Variants in PTBP2 observed in about 807,000 individuals in gnomAD.
PTBP2 encodes polypyrimidine tract-binding protein 2.
Under a neutral mutation model 61.4 loss-of-function variants are expected in PTBP2, and 13 were observed. That is an observed-to-expected ratio of 0.21 (90% confidence interval 0.14 to 0.34). The LOEUF is 0.34. Among genes scored for constraint, PTBP2 ranks in the 10% least tolerant of loss-of-function variants. The pLI is 1.00. For missense variants in PTBP2, 405 were observed against 642.6 expected, an observed-to-expected ratio of 0.63 and a Z score of 4.00; for synonymous variants, 215 against 218.5, an observed-to-expected ratio of 0.98 and a Z score of 0.14.
Position 96,770,772 on chromosome 1 carries a change from C to T in PTBP2, c.353C>T (p.Thr118Ile). Residue 118 changes from threonine (T) to isoleucine (I), a missense_variant, in exon 5 of 14, where the codon ACA (threonine) becomes ATA (isoleucine). Thr to Ile is a moderately conservative substitution (Grantham distance 89). Transcript: ENST00000674951. ...ATGGTTAATTACTATTCTGCTGTGA[C>T]ACCTCATCTTCGTAACCAACCAATA... ...ITMVNYYSAV[T>I]PHLRNQPIYI... The T allele has an allele frequency of 6.8e-6, 11 of 1,607,266 alleles. No homozygotes were observed. Among genetic ancestry groups the T allele is most frequent in the Non-Finnish European group, 9.4e-6 (11 of 1,173,948 alleles).
intron 8 of PTBP2, among the ~76,000 whole-genome samples, chr1:96,793,486 C>T (rs1249813566): frequency 1.3e-5 from 2 of 152,172 alleles, no homozygotes; most frequent in African/African-American, 4.8e-5. Context: ...TCTGCCGCCT[C>T]AGCCTCCTGA....
intron 2 of PTBP2, among the ~76,000 whole-genome samples, chr1:96,725,108 A>C (rs1650210922): frequency 6.6e-6 from 1 of 152,148 alleles, no homozygotes; most frequent in Non-Finnish European, 1.5e-5. Context: ...AAGATTGCAA[A>C]ATGGTAGATG....
intron 2 of PTBP2, among the ~76,000 whole-genome samples, chr1:96,726,205 TA>T (rs1650473724): frequency 6.6e-6 from 1 of 151,496 alleles, no homozygotes; most frequent in African/African-American, 2.4e-5. Context: ...TTAATTTATA[TA>T]TTAGCACACA....
chr1:96,775,242 A>G (rs955518887), intron 5 of PTBP2, among the ~76,000 whole-genome samples: 3 of 152,224 alleles, frequency 2.0e-5, no homozygotes, highest in Admixed American at 1.3e-4. Context: ...AATATCTACT[A>G]AAGTTGAGCA....
chr1:96,726,022 C>T (rs532181360), intron 2 of PTBP2, among the ~76,000 whole-genome samples: 5 of 119,790 alleles, frequency 4.2e-5, no homozygotes, highest in South Asian at 2.8e-4. Context: ...TTGCAGTAAG[C>T]GGAGATTGCA....
At chr1:96,730,613 T>C (rs1428845769) in intron 2 of PTBP2, among the ~76,000 whole-genome samples, 4 of 152,178 alleles carry the variant, frequency 2.6e-5, no homozygotes, top group African/African-American at 4.8e-5. Flanking sequence ...GGTCCAAATA[T>C]ATATGTTGTT....
At chr1:96,798,355 G>A (rs1020752179) in intron 8 of PTBP2, among the ~76,000 whole-genome samples, 2 of 152,092 alleles carry the variant, frequency 1.3e-5, no homozygotes, top group African/African-American at 4.8e-5. Context: ...GCAGTGAGCT[G>A]AGATCATGCC....
intron 7 of PTBP2, among the ~76,000 whole-genome samples, chr1:96,781,054 T>A (rs1658608072): frequency 6.6e-6 from 1 of 152,200 alleles, no homozygotes; most frequent in East Asian, 1.9e-4. Context: ...GGTAGTAGTG[T>A]GTGTCAAACT....
chr1:96,734,063 C>G (rs1651807811), intron 2 of PTBP2, among the ~76,000 whole-genome samples: 1 of 152,130 alleles, frequency 6.6e-6, no homozygotes, highest in Non-Finnish European at 1.5e-5. Flanking sequence ...GATATTTTCA[C>G]TTTAAAAGTA....
chr1:96,817,607 T>TA (rs1662534622), downstream of PTBP2: 1 of 152,104 alleles, frequency 6.6e-6, no homozygotes, highest in Admixed American at 6.6e-5. Context: ...ACTATATCAC[T>TA]ACCTAACATA....
intron 11 of PTBP2, among the ~76,000 whole-genome samples, chr1:96,810,428 A>G (rs1661962582): frequency 6.6e-6 from 1 of 152,288 alleles, no homozygotes; most frequent in South Asian, 2.1e-4. Context: ...TATTCTAATT[A>G]TCATCCCCCT....
At chr1:96,743,891 A>G (rs1653388392) in intron 2 of PTBP2, among the ~76,000 whole-genome samples, 1 of 152,068 alleles carries the variant, frequency 6.6e-6, no homozygotes, top group Admixed American at 6.6e-5. Flanking sequence ...TTTATTTTGT[A>G]TGAATGTTAA....
At chr1:96,800,246 TTG>T (rs1660835097) in intron 8 of PTBP2, among the ~76,000 whole-genome samples, 2 of 152,132 alleles carry the variant, frequency 1.3e-5, no homozygotes, top group African/African-American at 4.8e-5. Context: ...ACCTCACACC[TTG>T]TATTCCCTTT....
intron 2 of PTBP2, among the ~76,000 whole-genome samples, chr1:96,742,746 A>G (rs1233034552): frequency 6.6e-6 from 1 of 151,112 alleles, no homozygotes; most frequent in Non-Finnish European, 1.5e-5. Context: ...AAGTAGAGGG[A>G]ATGGTATATA....
At position 96,770,741 on chromosome 1, in the gene PTBP2, A is replaced by C. The variant is rs781728771; in HGVS notation, c.322A>C (p.Ile108Leu). ...GGAACTAGCAACCGAGGAAGCAGCT[A>C]TTACTATGGTTAATTACTATTCTGC... ...FLELATEEAA[I>L]TMVNYYSAVT... Residue 108 changes from isoleucine to leucine, a missense_variant, in exon 5 of 14, where the codon ATT becomes CTT. Ile to Leu is a conservative substitution (Grantham distance 5). Around this residue, in one of 4 missense-constraint regions of PTBP2, gnomAD observed 342 missense variants for 491.2 expected, o/e 0.70. Coordinates refer to ENST00000674951, the MANE Select transcript of PTBP2 (RefSeq NM_021190.4). 6.2e-7 allele frequency: 1 copy of C among 1,612,328 alleles called. No homozygotes were observed. The highest frequency in any genetic ancestry group is 2.2e-5 in the East Asian group (1 of 44,754).
chr1:96,733,551 G>A (rs952410784), intron 2 of PTBP2, among the ~76,000 whole-genome samples: 2 of 151,972 alleles, frequency 1.3e-5, no homozygotes, highest in Admixed American at 1.3e-4. Flanking sequence ...CTGGTGGCAT[G>A]GGCCTGTAGT....
chr1:96,760,677 C>T (rs1655726738), intron 3 of PTBP2, among the ~76,000 whole-genome samples: 1 of 152,012 alleles, frequency 6.6e-6, no homozygotes, highest in Non-Finnish European at 1.5e-5. Flanking sequence ...GCTCTCTTGA[C>T]GTTGTGATCT....
chr1:96,802,478 T>C (rs1661119858), intron 8 of PTBP2, among the ~76,000 whole-genome samples: 1 of 152,208 alleles, frequency 6.6e-6, no homozygotes, highest in South Asian at 2.1e-4. Context: ...TAACTAATTA[T>C]AATTCCTCAG....
intron 11 of PTBP2, among the ~76,000 whole-genome samples, chr1:96,808,049 T>C (rs909391385): frequency 3.9e-5 from 6 of 152,170 alleles, no homozygotes; most frequent in Admixed American, 2.6e-4. Flanking sequence ...GTCATTTTTT[T>C]CCCTAATTGT....
Sources: allele counts gnomAD v4.1 joint callset (sites outside exome capture counted in the v4.1 genomes callset), GRCh38; gene constraint gnomAD v4.1.1; regional missense constraint gnomAD v4.1.1; transcripts MANE v1.5; gene names NCBI Gene and HGNC (gene_info 2026-07-23, HGNC 2026-07-21).